The following RNPEP variants were observed in gnomAD, a reference collection of about 807,000 sequenced individuals.
RNPEP encodes arginyl aminopeptidase.
Under a neutral mutation model 70.1 loss-of-function variants are expected in RNPEP, and 57 were observed. The ratio of observed to expected loss-of-function variants is 0.81; its 90% CI spans 0.66 to 1.01. The LOEUF (loss-of-function observed/expected upper bound fraction) is 1.01. Among genes scored for constraint, RNPEP ranks in the 50% least tolerant of loss-of-function variants. The pLI is 0.00. For missense variants in RNPEP, 787 were observed against 852.4 expected, an observed-to-expected ratio of 0.92 and a Z score of 0.96; for synonymous variants, 335 against 357.4, an observed-to-expected ratio of 0.94 and a Z score of 0.71.
chr1:201,989,105 C>A, intron 2 of RNPEP, 61 bp downstream of exon 2: 1 of 1,565,254 alleles, frequency 6.4e-7, no homozygotes, highest in Non-Finnish European at 8.7e-7. Flanking sequence ...TCAGATCTAT[C>A]AATCAGGTCA....
intron 8 of RNPEP, chr1:202,002,985 A>G: frequency 2.2e-6 from 1 of 452,626 alleles, no homozygotes; most frequent in Non-Finnish European, 4.0e-6. Flanking sequence ...AGCATCCACC[A>G]ACTTGGCTCT....
chr1:201,993,956 C>T (rs1179004624), intron 3 of RNPEP, among the ~76,000 whole-genome samples: 1 of 151,502 alleles, frequency 6.6e-6, no homozygotes, highest in Non-Finnish European at 1.5e-5. Context: ...ATCCAGCCCC[C>T]CACCCTTGCC....
rs1046144037 is a variant in RNPEP at position 201,989,243 on chromosome 1, G to A, written c.589-140G>A. 10 of 1,237,830 alleles carry A rather than the reference G, an allele frequency of 8.1e-6. No individual in the cohort carries two copies. In the African/African-American group the frequency reaches 1.4e-4, roughly 17 times the overall value. 76.7% of individuals were successfully genotyped at this position (1,237,830 alleles called of 1,614,324 possible). On this transcript the variant is annotated intron_variant, in intron 2 of 10. Transcript: ENST00000295640. The stretch of plus-strand genomic sequence containing the variant: ...ATCCCATCAGTTGAGCACAGATTTA[G>A]TTTCTTGAAACCTTTGTGTTCTCCA...
chr1:201,993,426 A>G (rs143844006), intron 3 of RNPEP, among the ~76,000 whole-genome samples: 1,871 of 152,208 alleles, frequency 0.012, 16 homozygotes, highest in Non-Finnish European at 0.02. Context: ...GTGAAACCCC[A>G]TCTCTCCTAA....
In RNPEP at chr1:201,996,267, TGGTATCACATTGACTCTAG is replaced by T; in HGVS notation, c.854+5_854+23del. The T allele has an allele frequency of 7.6e-6, 12 of 1,572,268 alleles. No individual in the cohort carries two copies. Among genetic ancestry groups the T allele is most frequent in the Non-Finnish European group, 9.6e-6 (11 of 1,141,790 alleles). ...TTGGACCTTATGTTTGGGGAAGGTG[TGGTATCACATTGACTCTAG>T]TGTCTCCTGTTAAACTGAGTCACTG... On this transcript the variant is annotated splice_donor_5th_base_variant and intron_variant, in intron 4 of 10. Coordinates refer to ENST00000295640, the MANE Select transcript of RNPEP (RefSeq NM_020216.4).
chr1:201,986,796 T>C (rs2102961753), intron 1 of RNPEP, among the ~76,000 whole-genome samples: 1 of 152,102 alleles, frequency 6.6e-6, no homozygotes, highest in East Asian at 1.9e-4. Flanking sequence ...AGCCTCGGCC[T>C]CCCAAAGTGC....
At chr1:201,993,844 C>A (rs1290665605) in intron 3 of RNPEP, among the ~76,000 whole-genome samples, 1 of 152,096 alleles carries the variant, frequency 6.6e-6, no homozygotes, top group Non-Finnish European at 1.5e-5. Flanking sequence ...ACACACTGTC[C>A]TTCCCTCTGT....
At chr1:202,005,307 T>G (rs1684009777) in intron 10 of RNPEP, among the ~76,000 whole-genome samples, 2 of 152,202 alleles carry the variant, frequency 1.3e-5, no homozygotes, top group African/African-American at 4.8e-5. Context: ...TCATTCATTT[T>G]GTTGACTGTA....
chr1:201,993,299 C>CA (rs1260176419), intron 3 of RNPEP, among the ~76,000 whole-genome samples: 1 of 151,984 alleles, frequency 6.6e-6, no homozygotes, highest in Non-Finnish European at 1.5e-5. Flanking sequence ...TATAGCAAAG[C>CA]AAAAAACAAA....
intron 9 of RNPEP, among the ~76,000 whole-genome samples, 180 bp downstream of exon 9, chr1:202,003,641 A>T (rs1683927708): frequency 6.6e-6 from 1 of 152,108 alleles, no homozygotes; most frequent in Non-Finnish European, 1.5e-5. Flanking sequence ...TGCCACGTAC[A>T]CTAGGGAGGC....
At position 201,983,048 on chromosome 1, in the gene RNPEP, C is replaced by A; in HGVS notation, c.382C>A (p.Gln128Lys). The change falls in exon 1 of 11, where the codon CAG becomes AAG. Residue 128 changes from glutamine to lysine, a missense_variant. Transcript: ENST00000295640. ...CCAGGCCCTGTGCGTGTCCTTCCCG[C>A]AGCCCTGCCGCGCCGCCGAGCGCCT... ...YGQALCVSFP[Q>K]PCRAAERLQV... 6.5e-7 allele frequency: 1 copy of A among 1,528,516 alleles called. No homozygotes were observed. The highest frequency in any genetic ancestry group is 8.8e-7 in the Non-Finnish European group (1 of 1,141,776). 94.7% of individuals were successfully genotyped at this position (1,528,516 alleles called of 1,614,324 possible). A position where few individuals can be genotyped will look rare whatever the true frequency, so the allele number is the denominator to read the frequency against.
intron 6 of RNPEP, among the ~76,000 whole-genome samples, chr1:202,000,801 G>A (rs1683764581): frequency 6.6e-6 from 1 of 151,756 alleles, no homozygotes; most frequent in Non-Finnish European, 1.5e-5. Context: ...GGCTGAGGCA[G>A]GAGAATCGCT....
intron 8 of RNPEP, among the ~76,000 whole-genome samples, chr1:202,002,031 G>A (rs1194963134): frequency 6.6e-6 from 1 of 152,140 alleles, no homozygotes; most frequent in Non-Finnish European, 1.5e-5. Flanking sequence ...CTTGCCTGGA[G>A]AGCTGCCACT....
intron 1 of RNPEP, 47 bp from the exon 2 acceptor site, chr1:201,988,857 G>C: frequency 2.6e-6 from 4 of 1,568,424 alleles, no homozygotes; most frequent in Non-Finnish European, 3.5e-6. Flanking sequence ...GCCAGACTGA[G>C]CTCGTGTGGG....
chr1:202,001,389 C>T lies in RNPEP; in HGVS notation c.1218C>T (p.Asp406=), dbSNP rs146765986. The change falls in exon 7 of 11, where the codon GAC becomes GAT. Residue 406 remains aspartate (D), a synonymous_variant. Transcript: ENST00000295640. The part of the protein sequence containing the change: ...RVKIEPGVDP[D]DTYNETPYEK... ...CTCCTCTGCCAGGCGTTGACCCGGA[C>T]GACACCTATAATGAGACCCCCTACG... 2.2e-4 allele frequency: 347 copies of T among 1,613,484 alleles called. 2 individuals carry two copies. The African/African-American group carries it at 3.6e-3, about 17-fold the overall frequency.
chr1:202,004,713 T>C (rs1010932089), intron 10 of RNPEP, among the ~76,000 whole-genome samples: 56 of 152,316 alleles, frequency 3.7e-4, no homozygotes, highest in African/African-American at 1.3e-3. Flanking sequence ...CAGTGCTTTC[T>C]GCAATTCAGC....
chr1:202,003,319 G>A lies in RNPEP; in HGVS notation c.1509G>A (p.Lys503=), dbSNP rs755333281. The A allele has an allele frequency of 1.5e-5, 25 of 1,614,046 alleles. No individual in the cohort carries two copies. In the Admixed American group the frequency reaches 3.7e-4, roughly 24 times the overall value. The change falls in exon 9 of 11, where the codon AAG becomes AAA. Residue 503 remains lysine, a synonymous_variant. Transcript: ENST00000295640. ...PDLSPGDSLM[K]PAEELAQLWA... ...TCTCCCCTGGGGACTCACTCATGAA[G>A]CCTGCTGAAGAGCTAGCCCAACTGT...
chr1:201,984,242 G>A (rs975944495), intron 1 of RNPEP, among the ~76,000 whole-genome samples: 1 of 152,152 alleles, frequency 6.6e-6, no homozygotes, highest in Non-Finnish European at 1.5e-5. Context: ...CCACAGCTTG[G>A]TTTTATACAT....
intron 5 of RNPEP, among the ~76,000 whole-genome samples, chr1:201,997,827 G>A (rs1292358259): frequency 2.7e-5 from 4 of 148,870 alleles, no homozygotes; most frequent in South Asian, 2.1e-4. Flanking sequence ...GCAATGGCAC[G>A]ATCTCGGCTC....
Sources: gnomAD v4.1 joint callset for allele counts (sites outside exome capture counted in the v4.1 genomes callset) on GRCh38, gnomAD v4.1.1 for gene constraint, MANE v1.5 for transcripts, NCBI Gene and HGNC (gene_info 2026-07-23, HGNC 2026-07-21) for gene names.